Variants in MGAM observed in about 807,000 individuals in gnomAD.
The protein encoded by MGAM is maltase-glucoamylase.
In MGAM, 253 loss-of-function variants were observed where a neutral mutation model predicts 358.8. The observed-to-expected ratio is 0.71, with a 90% confidence interval of 0.64 to 0.78. The LOEUF is 0.78. Among genes scored for constraint, MGAM ranks in the 30% least tolerant of loss-of-function variants. The probability of loss-of-function intolerance (pLI) is 0.00; values close to 1 mark genes in which losing one functional copy is unlikely to be tolerated. For synonymous variants in MGAM, 1,105 were observed against 1,227.1 expected (o/e 0.90, Z 2.08); for missense variants, 3,080 against 3,432.6 (o/e 0.90, Z 2.57).
chr7:142,043,014 A>G (rs1242480814), intron 21 of MGAM, among the ~76,000 whole-genome samples: 1 of 96,634 alleles, frequency 1.0e-5, no homozygotes, highest in East Asian at 3.1e-4. Context: ...TAAATATAAT[A>G]TATATAAAAT....
At chr7:142,077,945 G>A (rs764737148) in intron 47 of MGAM, among the ~76,000 whole-genome samples, 2 of 145,662 alleles carry the variant, frequency 1.4e-5, no homozygotes, top group Non-Finnish European at 3.1e-5. Context: ...AGCTCACTTT[G>A]AGATGACACC....
intron 63 of MGAM, among the ~76,000 whole-genome samples, chr7:142,095,212 G>T (rs1815784453): frequency 6.6e-6 from 1 of 152,146 alleles, no homozygotes; most frequent in Admixed American, 6.5e-5. Flanking sequence ...CCCCGAAAGT[G>T]CTGGGATTAC....
rs761380568 is a variant in MGAM at position 142,082,453 on chromosome 7, G to T, written c.6172-22G>T. 9 of 1,467,976 alleles carry T rather than the reference G, an allele frequency of 6.1e-6. No homozygotes were observed. In the Admixed American group the frequency reaches 1.3e-4, roughly 21 times the overall value. The allele number at this position is 1,467,976 out of a possible 1,614,324, so 90.9% of individuals were successfully genotyped here. On this transcript the variant is annotated intron_variant, in intron 51 of 70. Transcript: ENST00000475668. ...GCATAATGTCTTTTAAACTCCTACT[G>T]CTTCTCCCCATGACTCTCCAGTACA... is the stretch of plus-strand genomic sequence containing the variant.
chr7:142,036,831 T>C lies in MGAM; in HGVS notation c.2085T>C (p.Asp695=), dbSNP rs1161469095. The C allele has an allele frequency of 1.9e-6, 3 of 1,613,310 alleles. No individual in the cohort carries two copies. Among genetic ancestry groups the C allele is most frequent in the Non-Finnish European group, 2.5e-6 (3 of 1,179,548 alleles). Reference sequence around the variant, plus strand: ...CTCCTATTTCCTCCCAGGACCAGGATCCTGCCTCCTTTGGAGCTGACTCCC... The same window carrying C: ...CTCCTATTTCCTCCCAGGACCAGGACCCTGCCTCCTTTGGAGCTGACTCCC... The part of the protein sequence containing the change: ...NHNGQGYKDQ[D]PASFGADSLL... Residue 695 remains aspartate, a synonymous_variant, in exon 18 of 71, where the codon GAT becomes GAC. Transcript: ENST00000475668.
chr7:142,000,319 G>A (rs1804632327), intron 1 of MGAM, among the ~76,000 whole-genome samples: 1 of 152,170 alleles, frequency 6.6e-6, no homozygotes, highest in Non-Finnish European at 1.5e-5. Context: ...ATGGCTCTTA[G>A]CAGAAGACCT....
At chr7:142,015,725 T>C (rs1452595491) in intron 3 of MGAM, among the ~76,000 whole-genome samples, 1 of 152,026 alleles carries the variant, frequency 6.6e-6, no homozygotes, top group Non-Finnish European at 1.5e-5. Flanking sequence ...ATGGATCACT[T>C]AGGTTTTTTT....
rs1353818552 is a variant in MGAM, at chr7:142,068,421, A to T, written c.5005-226A>T. On this transcript the variant is annotated intron_variant, in intron 42 of 70. Transcript: ENST00000475668. Reference sequence around the variant, plus strand: ...CAAACAGTGATTTATTTTTTCCCGAAGTCCTGGATATCAAAGTGCTTTATG... The same window carrying T: ...CAAACAGTGATTTATTTTTTCCCGATGTCCTGGATATCAAAGTGCTTTATG... Among the ~76,000 whole-genome samples the T allele has an allele frequency of 1.4e-5, 2 of 145,312 alleles. 1 individual carries two copies. The highest frequency in any genetic ancestry group is 3.1e-5 in the Non-Finnish European group (2 of 64,200).
intron 31 of MGAM, among the ~76,000 whole-genome samples, 184 bp downstream of exon 31, chr7:142,058,512 T>C (rs1221519115): frequency 6.6e-6 from 1 of 152,242 alleles, no homozygotes; most frequent in African/African-American, 2.4e-5. Flanking sequence ...CTTCCAGAGA[T>C]GACAGCTCAA....
In MGAM at chr7:142,078,430, A is replaced by C. The variant is rs13311070; in HGVS notation, c.5606A>C (p.Asp1869Ala). 20,547 of 1,544,274 alleles carry C rather than the reference A, an allele frequency of 0.013. 2,536 individuals are homozygous for C. Among genetic ancestry groups the C allele is most frequent in the African/African-American group, 0.097 (7,207 of 74,454 alleles). ...KIDCYPDENG[D>A]SAENCTARGC... ...GACTGTTACCCTGATGAGAATGGTGATTCTGCAGAAAACTGCACTGCCCGT... is the reference window on the plus strand; with the variant it reads ...GACTGTTACCCTGATGAGAATGGTGCTTCTGCAGAAAACTGCACTGCCCGT... Residue 1869 changes from aspartate to alanine, a missense_variant, in exon 48 of 71, where the codon GAT becomes GCT. Asp to Ala is a moderately radical substitution (Grantham distance 126, BLOSUM62 -2). Transcript: ENST00000475668.
chr7:142,051,801 C>G (rs1221992969), intron 24 of MGAM, among the ~76,000 whole-genome samples: 2 of 151,954 alleles, frequency 1.3e-5, no homozygotes, highest in Non-Finnish European at 2.9e-5. Flanking sequence ...ACTATATACC[C>G]ATTAAAATTA....
intron 21 of MGAM, 113 bp downstream of exon 21, chr7:142,040,959 A>G: frequency 7.7e-7 from 1 of 1,304,364 alleles, no homozygotes; most frequent in Non-Finnish European, 1.0e-6. Context: ...TTTGGCCACG[A>G]CTGTTGCAGT....
In MGAM at chr7:142,036,217, T is replaced by C; in HGVS notation, c.2008T>C (p.Cys670Arg). ...TGCTTTGGACACCCCTGAGGAGCTCTGTAGGCGGTGGATGCAGTTGGGTGC... is the reference window on the plus strand; with the variant it reads ...TGCTTTGGACACCCCTGAGGAGCTCCGTAGGCGGTGGATGCAGTTGGGTGC... ...GFALDTPEEL[C>R]RRWMQLGAFY... is the part of the protein sequence containing the mutation. Residue 670 changes from cysteine to arginine, a missense_variant, in exon 17 of 71, where the codon TGT becomes CGT. Cys to Arg is a radical substitution (Grantham distance 180). This residue lies in a region of MGAM where 1,816 missense variants were observed against 1,840.5 expected (regional missense o/e 0.99). Coordinates refer to ENST00000475668, the MANE Select transcript of MGAM (RefSeq NM_001365693.1). The C allele has an allele frequency of 6.2e-7, 1 of 1,612,580 alleles. No homozygotes were observed. The highest frequency in any genetic ancestry group is 8.5e-7 in the Non-Finnish European group (1 of 1,179,346).
intron 40 of MGAM, 132 bp downstream of exon 40, chr7:142,065,963 G>GTTTTA: frequency 1.3e-6 from 1 of 759,694 alleles, no homozygotes; most frequent in Non-Finnish European, 1.9e-6. Context: ...GTTTTGTTTT[G>GTTTTA]TTTTGTTTTT....
At position 142,100,875 on chromosome 7, in the gene MGAM, G is replaced by A. The variant is rs779200546; in HGVS notation, c.7948G>A (p.Asp2650Asn). 1 of 1,613,070 alleles carries A rather than the reference G, an allele frequency of 6.2e-7. No individual in the cohort carries two copies. The highest frequency in any genetic ancestry group is 8.5e-7 in the Non-Finnish European group (1 of 1,179,592). ...GTAGGWLFWD[D>N]GQSIDTYGKG... Reference sequence around the variant, plus strand: ...TGCTGGGGGCTGGCTCTTCTGGGATGATGGGCAAAGCATTGGTGAGTAGAG... The same window carrying A: ...TGCTGGGGGCTGGCTCTTCTGGGATAATGGGCAAAGCATTGGTGAGTAGAG... The change falls in exon 68 of 71, where the codon GAT (aspartate) becomes AAT (asparagine). Residue 2650 changes from aspartate (D) to asparagine (N), a missense_variant. Around this residue, in one of 5 missense-constraint regions of MGAM, gnomAD observed 194 missense variants for 172.8 expected, o/e 1.12. Transcript: ENST00000475668.
Position 142,090,267 on chromosome 7 carries a change from T to C in MGAM, c.6811-1646T>C, listed in dbSNP as rs187413971. On this transcript the variant is annotated intron_variant, in intron 57 of 70. Coordinates refer to ENST00000475668, the MANE Select transcript of MGAM (RefSeq NM_001365693.1). ...AGTACTTAGGGAAGTTCCTACATCATGGCTGGCCAAGTTCACCACGTGTAC... is the reference window on the plus strand; with the variant it reads ...AGTACTTAGGGAAGTTCCTACATCACGGCTGGCCAAGTTCACCACGTGTAC... Among the ~76,000 whole-genome samples the C allele has an allele frequency of 1.6e-4, 24 of 146,124 alleles. 1 individual carries two copies. Among genetic ancestry groups the C allele is most frequent in the Non-Finnish European group, 2.3e-4 (15 of 64,472 alleles).
intron 33 of MGAM, 88 bp downstream of exon 33, chr7:142,060,054 T>C (rs1286417396): frequency 4.4e-6 from 6 of 1,372,158 alleles, no homozygotes; most frequent in Non-Finnish European, 6.0e-6. Flanking sequence ...CACGCCTGTG[T>C]ATGTTATTTT....
In MGAM at chr7:142,044,773, T is replaced by C. The variant is rs187782259; in HGVS notation, c.2499-3012T>C. On this transcript the variant is annotated intron_variant, in intron 21 of 70. Coordinates refer to ENST00000475668, the MANE Select transcript of MGAM (RefSeq NM_001365693.1). ...AATATATGATATATAATGTATATTA[T>C]ATACACGTGTAATATATGATATATA... Among the ~76,000 whole-genome samples, 127 of 87,236 alleles carry C rather than the reference T, an allele frequency of 1.5e-3. 2 individuals carry two copies. The highest frequency in any genetic ancestry group is 6.0e-3 in the African/African-American group (115 of 19,094). 57.2% of individuals were successfully genotyped at this position (87,236 alleles called of 152,430 possible). A position where few individuals can be genotyped will look rare whatever the true frequency, so the allele number is the denominator to read the frequency against.
chr7:142,027,820 G>C lies in MGAM; in HGVS notation c.1221+85G>C, dbSNP rs940765894. On this transcript the variant is annotated intron_variant, in intron 10 of 70. Transcript: ENST00000475668. ...AACTGTTTATATTTTCTCTCCCTGA[G>C]TTTAATTGATTTATTTATTTGGTAA... 24 of 1,328,746 alleles carry C rather than the reference G, an allele frequency of 1.8e-5. No homozygotes were observed. In the African/African-American group the frequency reaches 3.6e-4, roughly 20 times the overall value. The allele number at this position is 1,328,746 out of a possible 1,614,324, so 82.3% of individuals were successfully genotyped here. A position where few individuals can be genotyped will look rare whatever the true frequency, so the allele number is the denominator to read the frequency against.
chr7:142,081,737 G>T (rs1563205216), intron 50 of MGAM, among the ~76,000 whole-genome samples: 1 of 145,478 alleles, frequency 6.9e-6, no homozygotes, highest in Non-Finnish European at 1.6e-5. Context: ...GCGCTGAGGG[G>T]TGCAAGGGTG....
Sources: allele counts gnomAD v4.1 joint callset (sites outside exome capture counted in the v4.1 genomes callset), GRCh38; gene constraint gnomAD v4.1.1; regional missense constraint gnomAD v4.1.1; transcripts MANE v1.5; gene names NCBI Gene and HGNC (gene_info 2026-07-23, HGNC 2026-07-21).